The following DGKH variants were observed in gnomAD, a reference collection of about 807,000 sequenced individuals.
DGKH encodes the protein diacylglycerol kinase eta.
Under a neutral mutation model 159.3 loss-of-function variants are expected in DGKH, and 90 were observed. That is an observed-to-expected ratio of 0.57 (90% confidence interval 0.48 to 0.67). DGKH has a LOEUF of 0.67. Among genes scored for constraint, DGKH ranks in the 30% least tolerant of loss-of-function variants. DGKH has a pLI of 0.00. For missense variants in DGKH, 1,181 were observed against 1,506.1 expected (o/e 0.78, Z 3.57); for synonymous variants, 536 against 553.8 (o/e 0.97, Z 0.45).
In DGKH at chr13:42,187,036, C is replaced by A; in HGVS notation, c.1539-13C>A. ...TGAAGCTTACTAAATTGTACAACTT[C>A]TTTTCCTCAAAGGACGCTATGTGAA... is the stretch of plus-strand genomic sequence containing the variant. On this transcript the variant is annotated splice_polypyrimidine_tract_variant and intron_variant, in intron 13 of 29. Coordinates refer to ENST00000337343, the MANE Select transcript of DGKH (RefSeq NM_178009.5). 1 of 1,609,780 alleles carries A rather than the reference C, an allele frequency of 6.2e-7. No individual in the cohort carries two copies. Among genetic ancestry groups the A allele is most frequent in the Non-Finnish European group, 8.5e-7 (1 of 1,176,610 alleles).
At chr13:42,067,810 C>T (rs1291598769) in intron 1 of DGKH, among the ~76,000 whole-genome samples, 1 of 151,890 alleles carries the variant, frequency 6.6e-6, no homozygotes, top group Admixed American at 6.6e-5. Flanking sequence ...GAAACAAATT[C>T]TAAGAGACTG....
Position 42,049,218 on chromosome 13 carries a change from C to T in DGKH, c.192+253C>T, listed in dbSNP as rs575580637. On this transcript the variant is annotated intron_variant, in intron 1 of 29. Transcript: ENST00000337343. ...GGGGCGGGGCCCGGGGGCGCTGGAC[C>T]GCGGTGCTGCGGGACGGATTCCCGG... Among the ~76,000 whole-genome samples, 20 of 150,660 alleles carry T rather than the reference C, an allele frequency of 1.3e-4. No homozygotes were observed. The East Asian group carries it at 4.0e-3, about 30-fold the overall frequency.
At chr13:42,246,669 A>C (rs1566237847), downstream of DGKH, among the ~76,000 whole-genome samples, 3 of 152,124 alleles carry the variant, frequency 2.0e-5, no homozygotes, top group Non-Finnish European at 4.4e-5. Flanking sequence ...ATCGAATAAA[A>C]GGCAGCACAA....
intron 8 of DGKH, among the ~76,000 whole-genome samples, chr13:42,165,786 A>T (rs1956296788): frequency 6.6e-6 from 1 of 152,050 alleles, no homozygotes; most frequent in African/African-American, 2.4e-5. Context: ...CATGGCTGTT[A>T]TTAAAATCTG....
chr13:42,219,147 C>T, intron 26 of DGKH, 83 bp from the exon 27 acceptor site: 5 of 1,542,160 alleles, frequency 3.2e-6, no homozygotes, highest in Non-Finnish European at 3.5e-6. Context: ...AGGCTGTTCA[C>T]TGTCAAAGTA....
At chr13:42,199,740 T>C (rs1393109292) in intron 19 of DGKH, 64 bp downstream of exon 19, 3 of 1,560,760 alleles carry the variant, frequency 1.9e-6, no homozygotes, top group Non-Finnish European at 2.6e-6. Flanking sequence ...TTATTATGTC[T>C]TTTTGCTTGC....
intron 17 of DGKH, 149 bp downstream of exon 17, chr13:42,195,165 C>A: frequency 8.7e-7 from 1 of 1,144,868 alleles, no homozygotes; most frequent in Non-Finnish European, 1.2e-6. Context: ...AATCCAGGCC[C>A]TTAGATTCTT....
chr13:42,102,785 G>A (rs1197056017), intron 1 of DGKH, among the ~76,000 whole-genome samples: 1 of 152,178 alleles, frequency 6.6e-6, no homozygotes, highest in Non-Finnish European at 1.5e-5. Flanking sequence ...AATTTTTTAT[G>A]AAAGACTAGG....
chr13:42,206,971 TAC>T (rs1491241642), intron 21 of DGKH, among the ~76,000 whole-genome samples: 1 of 78,722 alleles, frequency 1.3e-5, no homozygotes, highest in East Asian at 4.2e-4. Flanking sequence ...TTGGTACTTT[TAC>T]TTTTTCTTTC....
rs886853015 is a variant in DGKH, at chr13:42,234,762, C to T, written c.*5574C>T. Reference sequence around the variant, plus strand: ...CTTGGTTGCCATGGGTTTCTCTCCTCTCACTGCCTGCCCCAGTGCCATGAT... The same window carrying T: ...CTTGGTTGCCATGGGTTTCTCTCCTTTCACTGCCTGCCCCAGTGCCATGAT... On this transcript the variant is annotated 3_prime_UTR_variant, in exon 30 of 30. Coordinates refer to ENST00000337343, the MANE Select transcript of DGKH (RefSeq NM_178009.5). The T allele has an allele frequency of 6.6e-6, 1 of 152,190 alleles. No individual in the cohort carries two copies. The highest frequency in any genetic ancestry group is 2.4e-5 in the African/African-American group (1 of 41,446). 9.4% of individuals were successfully genotyped at this position (152,190 alleles called of 1,614,324 possible).
rs1958245877 is a variant in DGKH at position 42,229,989 on chromosome 13, T to C, written c.*801T>C. On this transcript the variant is annotated 3_prime_UTR_variant, in exon 30 of 30. Coordinates refer to ENST00000337343, the MANE Select transcript of DGKH (RefSeq NM_178009.5). Reference sequence around the variant, plus strand: ...TGCCATAATCAACAAATGATATACATCACATGCAAGTCAATTTTATTTCAA... The same window carrying C: ...TGCCATAATCAACAAATGATATACACCACATGCAAGTCAATTTTATTTCAA... 6.6e-6 allele frequency: 1 copy of C among 152,142 alleles called. No individual in the cohort carries two copies. Among genetic ancestry groups the C allele is most frequent in the African/African-American group, 2.4e-5 (1 of 41,440 alleles). The allele number at this position is 152,142 out of a possible 1,614,324, so 9.4% of individuals were successfully genotyped here. A position where few individuals can be genotyped will look rare whatever the true frequency, so the allele number is the denominator to read the frequency against.
chr13:42,080,332 C>T (rs1369366819), intron 1 of DGKH, among the ~76,000 whole-genome samples: 1 of 152,110 alleles, frequency 6.6e-6, no homozygotes, highest in Admixed American at 6.5e-5. Flanking sequence ...GAGTTTCGTA[C>T]CATATAGGTG....
chr13:42,218,935 G>T (rs1196012597), intron 26 of DGKH, among the ~76,000 whole-genome samples: 5 of 152,128 alleles, frequency 3.3e-5, no homozygotes, highest in African/African-American at 1.2e-4. Flanking sequence ...AGACAGGAAA[G>T]AAGACATTTA....
At chr13:42,205,778 C>A (rs1957452333) in intron 20 of DGKH, among the ~76,000 whole-genome samples, 1 of 152,144 alleles carries the variant, frequency 6.6e-6, no homozygotes, top group Admixed American at 6.6e-5. Flanking sequence ...AAGAAAAGGA[C>A]TCCCTGGTTT....
At chr13:42,177,088 T>C (rs1053049438) in intron 12 of DGKH, among the ~76,000 whole-genome samples, 3 of 152,182 alleles carry the variant, frequency 2.0e-5, no homozygotes, top group African/African-American at 7.2e-5. Context: ...GCACAGGTCA[T>C]AAATGTATAG....
chr13:42,051,318 A>G (rs937346045), intron 1 of DGKH, among the ~76,000 whole-genome samples: 2 of 152,204 alleles, frequency 1.3e-5, no homozygotes, highest in Middle Eastern at 3.2e-3. Context: ...TGAACACTTG[A>G]GATCAGGGTA....
At chr13:42,170,805 TG>T (rs1490240222) in intron 11 of DGKH, among the ~76,000 whole-genome samples, 3 of 152,114 alleles carry the variant, frequency 2.0e-5, no homozygotes, top group Admixed American at 6.5e-5. Flanking sequence ...TAACTGGGCA[TG>T]GTGGTGGGTA....
intron 24 of DGKH, among the ~76,000 whole-genome samples, chr13:42,214,257 A>G (rs967415815): frequency 2.6e-5 from 4 of 152,170 alleles, no homozygotes; most frequent in African/African-American, 9.7e-5. Context: ...TAGCACTTCA[A>G]TATGTCTCCC....
chr13:42,094,401 T>A (rs1954481433), intron 1 of DGKH, among the ~76,000 whole-genome samples: 1 of 152,214 alleles, frequency 6.6e-6, no homozygotes, highest in South Asian at 2.1e-4. Context: ...TCTTTAAATA[T>A]ACATTTTTTT....
Sources: allele counts gnomAD v4.1 joint callset (sites outside exome capture counted in the v4.1 genomes callset), GRCh38; gene constraint gnomAD v4.1.1; transcripts MANE v1.5; gene names NCBI Gene and HGNC (gene_info 2026-07-23, HGNC 2026-07-21).